RIMKLB: variants seen among roughly 807,000 people sequenced by gnomAD.
The protein encoded by RIMKLB is beta-citrylglutamate synthase B.
A neutral mutation model predicts 32.0 loss-of-function variants in RIMKLB; 7 were observed. The observed-to-expected ratio is 0.22, with a 90% CI of 0.12 to 0.41. The LOEUF (loss-of-function observed/expected upper bound fraction) is 0.41, where lower values mean the gene tolerates loss of function less well. Ranked by LOEUF, RIMKLB falls within the 10% of genes least tolerant of loss-of-function variation. The probability of loss-of-function intolerance (pLI) is 1.00; values close to 1 mark genes in which losing one functional copy is unlikely to be tolerated. For synonymous variants in RIMKLB, 172 were observed against 185.1 expected (o/e 0.93, Z 0.57); for missense variants, 289 against 498.7 (o/e 0.58, Z 4.00).
intron 1 of RIMKLB, among the ~76,000 whole-genome samples, chr12:8,682,589 G>T (rs1488083921): frequency 1.3e-5 from 2 of 151,762 alleles, no homozygotes; most frequent in African/African-American, 4.8e-5. Flanking sequence ...TGGCTAACAC[G>T]GTGAAACCCT....
At chr12:8,702,023 T>A (rs943888453) in intron 1 of RIMKLB, among the ~76,000 whole-genome samples, 51 of 150,196 alleles carry the variant, frequency 3.4e-4, no homozygotes, top group Non-Finnish European at 5.9e-4. Flanking sequence ...AAAAAAAAAA[T>A]AGATCTTATG....
At chr12:8,742,122 G>C (rs1947611002) in intron 2 of RIMKLB, among the ~76,000 whole-genome samples, 1 of 151,376 alleles carries the variant, frequency 6.6e-6, no homozygotes, top group Non-Finnish European at 1.5e-5. Flanking sequence ...CTAGTCTCAA[G>C]CTCCTGACCT....
intron 5 of RIMKLB, among the ~76,000 whole-genome samples, chr12:8,762,582 A>G (rs1949620633): frequency 6.6e-6 from 1 of 152,032 alleles, no homozygotes; most frequent in Non-Finnish European, 1.5e-5. Flanking sequence ...GATGTTTGAT[A>G]GGTGTTCCTT....
At chr12:8,706,034 C>T (rs1354522251) in intron 1 of RIMKLB, among the ~76,000 whole-genome samples, 2 of 152,100 alleles carry the variant, frequency 1.3e-5, no homozygotes, top group African/African-American at 4.8e-5. Flanking sequence ...TATTGTTTGC[C>T]CAAATAGCTT....
At chr12:8,689,545 T>C (rs74059958) in intron 1 of RIMKLB, among the ~76,000 whole-genome samples, 44 of 152,370 alleles carry the variant, frequency 2.9e-4, no homozygotes, top group African/African-American at 1.0e-3. Context: ...TCAGCCATAT[T>C]TTCCTCCTGT....
At chr12:8,705,045 G>A (rs991819690) in intron 1 of RIMKLB, among the ~76,000 whole-genome samples, 4 of 151,424 alleles carry the variant, frequency 2.6e-5, no homozygotes, top group Non-Finnish European at 5.9e-5. Flanking sequence ...TACTAAATAG[G>A]TAAGTGTTTG....
intron 5 of RIMKLB, among the ~76,000 whole-genome samples, chr12:8,762,333 A>G (rs56113263): frequency 6.6e-6 from 1 of 152,202 alleles, no homozygotes; most frequent in African/African-American, 2.4e-5. Flanking sequence ...GAGGTTCCCC[A>G]TTCTATTTCT....
At position 8,723,378 on chromosome 12, in the gene RIMKLB, C is replaced by T. The variant is rs773585289; in HGVS notation, c.175+9337C>T. On this transcript the variant is annotated intron_variant, in intron 2 of 5. Coordinates refer to ENST00000535829, the MANE Select transcript of RIMKLB (RefSeq NM_001297776.2). Reference sequence around the variant, plus strand: ...CCCTCTATGTGGTTGCAGTTAGTGTCGCCCATTTATAATAGTAACATCAAA... The same window carrying T: ...CCCTCTATGTGGTTGCAGTTAGTGTTGCCCATTTATAATAGTAACATCAAA... Among the ~76,000 whole-genome samples, 14 of 152,110 alleles carry T rather than the reference C, an allele frequency of 9.2e-5. No individual in the cohort carries two copies. The South Asian group carries it at 1.3e-3, about 14-fold the overall frequency.
the RIMKLB span, among the ~76,000 whole-genome samples, chr12:8,672,959 G>A: frequency 2.0e-5 from 3 of 152,168 alleles, no homozygotes; most frequent in African/African-American, 7.2e-5. Flanking sequence ...TTGACTCACT[G>A]CAACCTCCAC....
In RIMKLB at chr12:8,774,054, T is replaced by C. The variant is rs1361984304; in HGVS notation, c.*270T>C. On this transcript the variant is annotated 3_prime_UTR_variant, in exon 6 of 6. Transcript: ENST00000535829. ...TACCCTTTTAAATTGCTAAAAAATG[T>C]GTATGCTCATAGGCCATGAGGAACA... 2.4e-6 allele frequency: 3 copies of C among 1,231,484 alleles called. No homozygotes were observed. The highest frequency in any genetic ancestry group is 3.0e-6 in the Non-Finnish European group (3 of 984,010). 76.3% of individuals were successfully genotyped at this position (1,231,484 alleles called of 1,614,324 possible).
chr12:8,675,671 A>G, the RIMKLB span, among the ~76,000 whole-genome samples: 2 of 152,214 alleles, frequency 1.3e-5, no homozygotes, highest in Non-Finnish European at 2.9e-5. Flanking sequence ...ATTTATATAG[A>G]CAGAGGAGCC....
chr12:8,717,312 A>C (rs1854664039), intron 2 of RIMKLB, among the ~76,000 whole-genome samples: 1 of 152,208 alleles, frequency 6.6e-6, no homozygotes, highest in African/African-American at 2.4e-5. Context: ...TTATATCTCA[A>C]AGCCGTTTAA....
intron 2 of RIMKLB, among the ~76,000 whole-genome samples, chr12:8,727,142 T>C (rs1946087253): frequency 6.6e-6 from 1 of 152,230 alleles, no homozygotes; most frequent in African/African-American, 2.4e-5. Context: ...TAACTGTATG[T>C]GTGTGCCTGC....
At chr12:8,731,215 G>C (rs1016342963) in intron 2 of RIMKLB, among the ~76,000 whole-genome samples, 2 of 152,010 alleles carry the variant, frequency 1.3e-5, no homozygotes, top group Non-Finnish European at 2.9e-5. Context: ...TCCTGCCTCA[G>C]CCTCTTGAGT....
chr12:8,749,558 T>C (rs1329538458), intron 2 of RIMKLB, among the ~76,000 whole-genome samples: 1 of 152,252 alleles, frequency 6.6e-6, no homozygotes. Context: ...TTCTCAGATT[T>C]GCCCTTTAAA....
chr12:8,695,363 C>T (rs1942856764), upstream of RIMKLB, among the ~76,000 whole-genome samples: 1 of 152,166 alleles, frequency 6.6e-6, no homozygotes, highest in Admixed American at 6.5e-5. Flanking sequence ...CTAAACATAT[C>T]AACCATGAAT....
chr12:8,752,180 G>A (rs1304317714), intron 4 of RIMKLB, 137 bp downstream of exon 4: 2 of 586,958 alleles, frequency 3.4e-6, no homozygotes, highest in African/African-American at 3.8e-5. Flanking sequence ...ACTATGAGTT[G>A]TTCAGTTTGG....
In RIMKLB at chr12:8,691,147, A is replaced by T. The variant is rs1234830661; in HGVS notation, n.219+9329A>T. Reference sequence around the variant, plus strand: ...CCCAGTTACCCAGAAAAGTTCTGCGAAACAATACGAAAGATGGGAACCTGT... The same window carrying T: ...CCCAGTTACCCAGAAAAGTTCTGCGTAACAATACGAAAGATGGGAACCTGT... On this transcript the variant is annotated intron_variant and non_coding_transcript_variant, in intron 1 of 1. Coordinates refer to the RIMKLB transcript ENST00000538758. Among the ~76,000 whole-genome samples the T allele has an allele frequency of 2.6e-5, 4 of 152,144 alleles. No homozygotes were observed. In the East Asian group the frequency reaches 7.7e-4, roughly 29 times the overall value.
intron 2 of RIMKLB, among the ~76,000 whole-genome samples, chr12:8,720,112 G>A (rs1478867158): frequency 6.6e-6 from 1 of 152,208 alleles, no homozygotes; most frequent in Admixed American, 6.5e-5. Context: ...GGAACTTTCA[G>A]TGCCAGGATA....
Sources: gnomAD v4.1 joint callset for allele counts (sites outside exome capture counted in the v4.1 genomes callset) on GRCh38, gnomAD v4.1.1 for gene constraint, MANE v1.5 for transcripts, NCBI Gene and HGNC (gene_info 2026-07-23, HGNC 2026-07-21) for gene names.